Variants in RBFOX1 observed in about 807,000 individuals in gnomAD.
RBFOX1 encodes the protein RNA binding protein fox-1 homolog 1.
A neutral mutation model predicts 57.7 loss-of-function variants in RBFOX1; 8 were observed. That is an observed-to-expected ratio of 0.14 (90% CI 0.08 to 0.25). The LOEUF (loss-of-function observed/expected upper bound fraction) is 0.25. Ranked by LOEUF, RBFOX1 falls within the 10% of genes least tolerant of loss-of-function variation. The pLI is 1.00. For synonymous variants in RBFOX1, 326 were observed against 222.4 expected (o/e 1.47, Z -4.15); for missense variants, 611 against 548.5 (o/e 1.11, Z -1.14).
chr16:5,722,496 C>G (rs12325463), intron 3 of RBFOX1, among the ~76,000 whole-genome samples: 8 of 152,140 alleles, frequency 5.3e-5, no homozygotes, highest in Non-Finnish European at 2.9e-5. Context: ...CATCTATCCC[C>G]GTGTCCAGGT....
chr16:5,817,466 G>A (rs2055684814), intron 3 of RBFOX1, among the ~76,000 whole-genome samples: 1 of 152,158 alleles, frequency 6.6e-6, no homozygotes, highest in South Asian at 2.1e-4. Flanking sequence ...CAATGAGTAA[G>A]AGAGTGAGAA....
At chr16:7,051,268 C>CT (rs1186855282) in intron 3 of RBFOX1, among the ~76,000 whole-genome samples, 1 of 152,104 alleles carries the variant, frequency 6.6e-6, no homozygotes, top group Non-Finnish European at 1.5e-5. Flanking sequence ...CTATGTGTTC[C>CT]TTTTTATTTG....
chr16:5,879,510 C>T (rs542343980), intron 4 of RBFOX1, among the ~76,000 whole-genome samples: 1 of 152,074 alleles, frequency 6.6e-6, no homozygotes, highest in Admixed American at 6.5e-5. Context: ...TTGTATTTTT[C>T]GTGGAGACAG....
At chr16:6,988,546 T>A (rs1244259629) in intron 3 of RBFOX1, among the ~76,000 whole-genome samples, 1 of 151,490 alleles carries the variant, frequency 6.6e-6, no homozygotes, top group African/African-American at 2.4e-5. Flanking sequence ...TTTCCCTTTT[T>A]ATTTTAATTT....
At chr16:5,267,082 G>T (rs1350242556) in intron 1 of RBFOX1, among the ~76,000 whole-genome samples, 1 of 151,746 alleles carries the variant, frequency 6.6e-6, no homozygotes, top group Non-Finnish European at 1.5e-5. Flanking sequence ...AGAGGAGTGT[G>T]TTGTGTACAT....
chr16:7,081,460 A>T (rs898838312), intron 4 of RBFOX1, among the ~76,000 whole-genome samples: 6 of 152,216 alleles, frequency 3.9e-5, no homozygotes, highest in Non-Finnish European at 5.9e-5. Context: ...ATCAAAGGGA[A>T]GCTGTTCTTG....
rs188992492 is a variant in RBFOX1, at chr16:7,331,491, A to G, written c.28-186656A>G. On this transcript the variant is annotated intron_variant, in intron 4 of 15. Transcript: ENST00000550418. ...TAATAAGAAGATTAGAAGACTGACA[A>G]TTTGATTGTTATCTGAGCCTTCAGT... Among the ~76,000 whole-genome samples, 10 of 152,276 alleles carry G rather than the reference A, an allele frequency of 6.6e-5. No homozygotes were observed. In the East Asian group the frequency reaches 1.3e-3, roughly 21 times the overall value.
chr16:5,536,896 G>T (rs1270039307), intron 2 of RBFOX1, among the ~76,000 whole-genome samples: 1 of 152,170 alleles, frequency 6.6e-6, no homozygotes, highest in Non-Finnish European at 1.5e-5. Flanking sequence ...CATTCTGTGG[G>T]CATCTGGCTT....
chr16:5,239,902 G>C (rs1484020949), exon 1 of RBFOX1: 1 of 1,489,880 alleles, frequency 6.7e-7, no homozygotes, highest in African/African-American at 1.4e-5. Context: ...CAGCCCTTCC[G>C]GCAGCTCCGA....
chr16:5,426,467 A>G (rs114976806), intron 1 of RBFOX1, among the ~76,000 whole-genome samples: 1,615 of 152,354 alleles, frequency 0.011, 29 homozygotes, highest in African/African-American at 0.037. Context: ...GTGTCTGTCA[A>G]TAACGGAGGG....
intron 3 of RBFOX1, among the ~76,000 whole-genome samples, chr16:5,866,029 G>A (rs748850152): frequency 8.5e-5 from 13 of 152,140 alleles, no homozygotes; most frequent in South Asian, 2.1e-4. Flanking sequence ...GTGCAATGGC[G>A]CAATCTCAGT....
At chr16:6,740,227 T>G (rs370530213) in intron 3 of RBFOX1, among the ~76,000 whole-genome samples, 1 of 151,946 alleles carries the variant, frequency 6.6e-6, no homozygotes, top group East Asian at 1.9e-4. Flanking sequence ...CAACCAGAAG[T>G]CTCAGAAAAA....
chr16:6,904,599 T>TAAA lies in RBFOX1; in HGVS notation c.-15-147431_-15-147429dup, dbSNP rs71147623. The stretch of plus-strand genomic sequence containing the variant: ...CTGGGTGACAGAGTGAGACTCTCTC[T>TAAA]AAAAAAAAAAAAAAAAAAAAAAAAA... On this transcript the variant is annotated intron_variant, in intron 3 of 15. Coordinates refer to ENST00000550418, the MANE Select transcript of RBFOX1 (RefSeq NM_018723.4). 5.3e-3 allele frequency among the ~76,000 whole-genome samples: 339 copies of TAAA among 63,874 alleles called. 4 individuals are homozygous for TAAA. The highest frequency in any genetic ancestry group is 0.02 in the Middle Eastern group (2 of 98). The allele number at this position is 63,874 out of a possible 152,430, so 41.9% of individuals were successfully genotyped here.
At chr16:5,960,184 G>C (rs2059720610) in intron 4 of RBFOX1, among the ~76,000 whole-genome samples, 1 of 152,196 alleles carries the variant, frequency 6.6e-6, no homozygotes, top group Non-Finnish European at 1.5e-5. Context: ...CTGGGCAACA[G>C]AGTGAGACTC....
chr16:6,633,527 C>G (rs960831909), intron 2 of RBFOX1, among the ~76,000 whole-genome samples: 1 of 152,152 alleles, frequency 6.6e-6, no homozygotes, highest in African/African-American at 2.4e-5. Context: ...TACCTGGCCT[C>G]AAGTGATCCC....
intron 1 of RBFOX1, among the ~76,000 whole-genome samples, chr16:5,411,460 C>T (rs1225075957): frequency 6.6e-6 from 1 of 152,214 alleles, no homozygotes; most frequent in Admixed American, 6.5e-5. Context: ...TCCACTAGAG[C>T]ATCCAGGAGG....
At chr16:5,566,782 C>G (rs2046088600) in intron 2 of RBFOX1, among the ~76,000 whole-genome samples, 1 of 151,924 alleles carries the variant, frequency 6.6e-6, no homozygotes, top group South Asian at 2.1e-4. Context: ...ATTAGAGATA[C>G]ATTCACAAAT....
rs542506359 is a variant in RBFOX1, at chr16:6,923,376, A to G, written c.-15-128681A>G. ...TGGTGAAACCCCATCTCTACTAACAATACACAAATTAGCAGGCATGGTGGG... is the reference window on the plus strand; with the variant it reads ...TGGTGAAACCCCATCTCTACTAACAGTACACAAATTAGCAGGCATGGTGGG... On this transcript the variant is annotated intron_variant, in intron 3 of 15. Coordinates refer to ENST00000550418, the MANE Select transcript of RBFOX1 (RefSeq NM_018723.4). Among the ~76,000 whole-genome samples the G allele has an allele frequency of 1.3e-4, 20 of 152,192 alleles. 1 individual carries two copies. The highest frequency in any genetic ancestry group is 4.2e-4 in the South Asian group (2 of 4,810).
chr16:7,530,024 A>AAAAAAAAAAAG (rs1555555166), intron 5 of RBFOX1, among the ~76,000 whole-genome samples: 10 of 151,134 alleles, frequency 6.6e-5, no homozygotes, highest in African/African-American at 2.4e-4. Flanking sequence ...AAAAAAAAAA[A>AAAAAAAAAAAG]GTGAATTTAG....
Sources: allele counts gnomAD v4.1 joint callset (sites outside exome capture counted in the v4.1 genomes callset), GRCh38; gene constraint gnomAD v4.1.1; transcripts MANE v1.5; gene names NCBI Gene and HGNC (gene_info 2026-07-23, HGNC 2026-07-21).